FGFR2: variants seen among roughly 807,000 people sequenced by gnomAD.
FGFR2 encodes fibroblast growth factor receptor 2.
FGFR2 carries 19 observed loss-of-function variants against 95.9 expected under a neutral mutation model. The ratio of observed to expected loss-of-function variants is 0.20; its 90% confidence interval spans 0.14 to 0.29. The LOEUF (loss-of-function observed/expected upper bound fraction) is 0.29. FGFR2 is among the 10% of genes least tolerant of loss of function. The pLI is 1.00. For synonymous variants in FGFR2, 392 were observed against 393.3 expected (o/e 1.00, Z 0.04); for missense variants, 707 against 1,056.9 (o/e 0.67, Z 4.59).
At chr10:121,513,213 C>T (rs924953661) in intron 9 of FGFR2, among the ~76,000 whole-genome samples, 2 of 152,216 alleles carry the variant, frequency 1.3e-5, no homozygotes, top group African/African-American at 2.4e-5. Context: ...AATGGTATTG[C>T]ATGTGAGTAT....
chr10:121,593,813 A>T lies in FGFR2; in HGVS notation c.5T>A (p.Val2Asp). The T allele has an allele frequency of 1.2e-6, 2 of 1,614,082 alleles. No individual in the cohort carries two copies. ...CAGGCAGATGAAACGACCCCAGCTG[A>T]CCATGGTTACGGTACCAATCCCCGG... M[V>D]SWGRFICLVV... is the part of the protein sequence containing the mutation. The change falls in exon 2 of 18, where the codon GTC becomes GAC. Residue 2 changes from valine (V) to aspartate (D), a missense_variant. Val to Asp is a radical substitution (Grantham distance 152). This residue lies in a region of FGFR2 where 178 missense variants were observed against 194.1 expected (regional missense o/e 0.92). Transcript: ENST00000358487.
chr10:121,481,389 GAC>G (rs71868012), intron 17 of FGFR2, among the ~76,000 whole-genome samples: 15,967 of 149,866 alleles, frequency 0.11, 877 homozygotes, highest in South Asian at 0.13. Flanking sequence ...CATTTTTAAA[GAC>G]ACACACACAC....
chr10:121,564,798 C>T (rs1857440583), intron 3 of FGFR2, among the ~76,000 whole-genome samples: 4 of 152,228 alleles, frequency 2.6e-5, no homozygotes, highest in Middle Eastern at 3.4e-3. Context: ...TCTGCTTTCA[C>T]GCTATTTAAA....
chr10:121,521,981 G>A (rs1266996838), intron 6 of FGFR2, among the ~76,000 whole-genome samples: 1 of 152,174 alleles, frequency 6.6e-6, no homozygotes, highest in African/African-American at 2.4e-5. Flanking sequence ...GGAGGAAATG[G>A]TGCAATATGT....
intron 3 of FGFR2, 60 bp from the exon 4 acceptor site, chr10:121,564,639 T>A: frequency 6.8e-7 from 1 of 1,467,170 alleles, no homozygotes; most frequent in Non-Finnish European, 9.5e-7. Context: ...AGGTTGCAAT[T>A]ATCTACAACT....
At chr10:121,563,010 C>T (rs954256819) in intron 4 of FGFR2, among the ~76,000 whole-genome samples, 11 of 152,184 alleles carry the variant, frequency 7.2e-5, no homozygotes, top group African/African-American at 2.7e-4. Context: ...GAGGCTGAGG[C>T]GGGTGGATCA....
intron 6 of FGFR2, among the ~76,000 whole-genome samples, chr10:121,529,109 T>A (rs1351411509): frequency 6.8e-6 from 1 of 146,938 alleles, no homozygotes; most frequent in East Asian, 1.9e-4. Flanking sequence ...AATATTTTAA[T>A]TTTTTTTGTT....
chr10:121,575,583 G>T (rs1413352811), intron 2 of FGFR2, among the ~76,000 whole-genome samples: 1 of 152,132 alleles, frequency 6.6e-6, no homozygotes, highest in Non-Finnish European at 1.5e-5. Context: ...GGCCGAGTGC[G>T]GTGGCTCATG....
At chr10:121,551,578 T>C (rs1855417131) in intron 4 of FGFR2, 119 bp from the exon 5 acceptor site, 2 of 954,824 alleles carry the variant, frequency 2.1e-6, no homozygotes, top group Admixed American at 2.4e-5. Flanking sequence ...TTTTTAAATC[T>C]TTGGGTAATA....
rs1309368308 is a variant in FGFR2 at position 121,518,842 on chromosome 10, C to T, written c.939+1137G>A. 3 of 1,613,876 alleles carry T rather than the reference C, an allele frequency of 1.9e-6. No individual in the cohort carries two copies. Among genetic ancestry groups the T allele is most frequent in the Non-Finnish European group, 1.7e-6 (2 of 1,179,924 alleles). ...TTATCCCCGAGTGCTAGAACAGACA[C>T]AGGAGAACAATATAACGGCCAACCA... On this transcript the variant is annotated intron_variant, in intron 7 of 17. Coordinates refer to ENST00000358487, the MANE Select transcript of FGFR2 (RefSeq NM_000141.5). This position sits in a 1 kb window ranked among gnomAD's most constrained non-coding sequence, Gnocchi z 4.0.
chr10:121,549,686 G>A (rs538296339), intron 5 of FGFR2, among the ~76,000 whole-genome samples: 2 of 152,282 alleles, frequency 1.3e-5, no homozygotes, highest in African/African-American at 4.8e-5. Flanking sequence ...CCTATGAAGA[G>A]GCCCGTGTGG....
chr10:121,479,866 A>G lies in FGFR2; in HGVS notation c.2457T>C (p.Val819=), dbSNP rs140318221. ...LPQYPHINGS[V]KT ...AGGCAGACACAGTCATTCATGTTTT[A>G]ACACTGCCGTTTATGTGTGGATACT... is the stretch of plus-strand genomic sequence containing the variant. Residue 819 remains valine (V), a synonymous_variant, in exon 18 of 18, where the codon GTT becomes GTC. Transcript: ENST00000358487. 1.1e-5 allele frequency: 18 copies of G among 1,614,032 alleles called. No individual in the cohort carries two copies. In the African/African-American group the frequency reaches 1.7e-4, roughly 16 times the overall value.
intron 6 of FGFR2, chr10:121,538,167 A>G (rs991680110): frequency 8.4e-6 from 5 of 596,408 alleles, no homozygotes; most frequent in Non-Finnish European, 9.0e-6. Context: ...CCACAGGCTC[A>G]GTCCTCAGAC....
intron 8 of FGFR2, among the ~76,000 whole-genome samples, chr10:121,516,821 G>A (rs1400125418): frequency 6.6e-6 from 1 of 152,156 alleles, no homozygotes; most frequent in African/African-American, 2.4e-5. Context: ...CGATCCCCAA[G>A]GTAGGCAACA....
intron 4 of FGFR2, among the ~76,000 whole-genome samples, chr10:121,560,705 T>C (rs996289606): frequency 6.6e-6 from 1 of 151,760 alleles, no homozygotes; most frequent in Non-Finnish European, 1.5e-5. Flanking sequence ...ATAACCTCTT[T>C]AGAAGGCTGG....
rs777606451 is a variant in FGFR2 at position 121,500,851 on chromosome 10, G to A, written c.1536C>T (p.Val512=). The A allele has an allele frequency of 1.9e-6, 3 of 1,614,136 alleles. No individual in the cohort carries two copies. The highest frequency in any genetic ancestry group is 2.2e-5 in the South Asian group (2 of 91,064). The part of the protein sequence containing the change: ...GIDKDKPKEA[V]TVAVKMLKDD... Reference sequence around the variant, plus strand: ...CTTTCAACATCTTCACGGCCACGGTGACCGCCTCCTTGGGCTTGTCTTTGT... The same window carrying A: ...CTTTCAACATCTTCACGGCCACGGTAACCGCCTCCTTGGGCTTGTCTTTGT... The change falls in exon 11 of 18, where the codon GTC becomes GTT. Residue 512 remains valine (V), a synonymous_variant. Coordinates refer to ENST00000358487, the MANE Select transcript of FGFR2 (RefSeq NM_000141.5).
chr10:121,509,968 C>T (rs1383078174), intron 9 of FGFR2, among the ~76,000 whole-genome samples: 2 of 152,066 alleles, frequency 1.3e-5, no homozygotes, highest in African/African-American at 2.4e-5. Context: ...GACTCTTAGG[C>T]TGCAAACCAC....
chr10:121,480,183 C>G, intron 17 of FGFR2, 162 bp from the exon 18 acceptor site: 1 of 854,756 alleles, frequency 1.2e-6, no homozygotes, highest in South Asian at 1.3e-5. Flanking sequence ...GGACGTGGGA[C>G]AGGACAGGAG....
intron 6 of FGFR2, among the ~76,000 whole-genome samples, chr10:121,536,752 G>A (rs536673123): frequency 4.6e-5 from 7 of 152,228 alleles, no homozygotes; most frequent in East Asian, 1.9e-4. Flanking sequence ...CGGAGTGGCC[G>A]CCATCTGACT....
Sources: gnomAD v4.1 joint callset for allele counts (sites outside exome capture counted in the v4.1 genomes callset) on GRCh38, gnomAD v4.1.1 for gene constraint, gnomAD v4.1.1 regional missense constraint, Gnocchi (gnomAD v3.1) non-coding constraint, MANE v1.5 for transcripts, NCBI Gene and HGNC (gene_info 2026-07-23, HGNC 2026-07-21) for gene names.